The following OPCML variants were observed in gnomAD, a reference collection of about 807,000 sequenced individuals.
OPCML encodes opioid-binding protein/cell adhesion molecule.
Under a neutral mutation model 37.8 loss-of-function variants are expected in OPCML, and 13 were observed. That is an observed-to-expected ratio of 0.34 (90% CI 0.22 to 0.55). The LOEUF is 0.55. Ranked by LOEUF, OPCML falls within the 20% of genes least tolerant of loss-of-function variation. The pLI, the probability that OPCML is intolerant of heterozygous loss-of-function variation, is 0.91. For missense variants in OPCML, 341 were observed against 435.6 expected (o/e 0.78, Z 1.93); for synonymous variants, 176 against 168.8 (o/e 1.04, Z -0.33).
intron 2 of OPCML, among the ~76,000 whole-genome samples, chr11:132,776,861 T>C (rs2054999679): frequency 6.6e-6 from 1 of 152,106 alleles, no homozygotes; most frequent in Non-Finnish European, 1.5e-5. Context: ...CCCAGGTCAG[T>C]GCGAGCAGTT....
intron 1 of OPCML, among the ~76,000 whole-genome samples, chr11:133,226,024 T>C (rs1341876617): frequency 6.6e-6 from 1 of 152,242 alleles, no homozygotes; most frequent in African/African-American, 2.4e-5. Flanking sequence ...GAGGCTAAGT[T>C]ACCTGCACCA....
chr11:132,699,743 T>C (rs556407999), intron 2 of OPCML, among the ~76,000 whole-genome samples: 2 of 152,252 alleles, frequency 1.3e-5, no homozygotes, highest in South Asian at 4.1e-4. Context: ...ATAAATTCAG[T>C]TGGCTAATAT....
intron 1 of OPCML, among the ~76,000 whole-genome samples, chr11:133,476,395 T>A (rs35374894): frequency 0.015 from 2,225 of 151,012 alleles, 57 homozygotes; most frequent in African/African-American, 0.052. Context: ...GTTGTTAGTT[T>A]TTTTTTTTTC....
In OPCML at chr11:132,943,296, C is replaced by T; in HGVS notation, c.62-286G>A. The T allele has an allele frequency of 1.3e-6, 1 of 744,416 alleles. No individual in the cohort carries two copies. The highest frequency in any genetic ancestry group is 1.8e-5 in the African/African-American group (1 of 56,694). The allele number at this position is 744,416 out of a possible 1,614,324, so 46.1% of individuals were successfully genotyped here. On this transcript the variant is annotated intron_variant, in intron 1 of 7. Coordinates refer to ENST00000524381, the MANE Select transcript of OPCML (RefSeq NM_001012393.5). This position sits in a 1 kb window ranked among gnomAD's most constrained non-coding sequence, Gnocchi z 4.3. ...ATCCTGCCTCAGCTTTCCAGCCTAG[C>T]AGAACCAGATGCCCCCTCCTGCATC...
rs903875032 is a variant in OPCML, at chr11:133,357,034, A to G, written c.61+175230T>C. Among the ~76,000 whole-genome samples the G allele has an allele frequency of 5.3e-5, 8 of 152,202 alleles. No individual in the cohort carries two copies. The East Asian group carries it at 1.5e-3, about 29-fold the overall frequency. ...GATGTACTGAGAAAGTAGGTTATAT[A>G]CTTGAATTGTCATTCAACCGTTTGC... On this transcript the variant is annotated intron_variant, in intron 1 of 7. Coordinates refer to ENST00000524381, the MANE Select transcript of OPCML (RefSeq NM_001012393.5).
At chr11:132,776,386 T>G (rs975089573) in intron 2 of OPCML, among the ~76,000 whole-genome samples, 1 of 152,172 alleles carries the variant, frequency 6.6e-6, no homozygotes, top group African/African-American at 2.4e-5. Flanking sequence ...ATGGTTTGGA[T>G]GTTTGTCCTC....
Position 133,500,708 on chromosome 11 carries a change from C to G in OPCML, c.61+31556G>C, listed in dbSNP as rs1181625743. Among the ~76,000 whole-genome samples the G allele has an allele frequency of 2.0e-5, 3 of 152,194 alleles. No homozygotes were observed. In the East Asian group the frequency reaches 5.8e-4, roughly 29 times the overall value. Reference sequence around the variant, plus strand: ...CCTGCATCTAGCCAATTTCTGCTCCCTTAATTCAAGTCAGTTCTTCCTGAC... The same window carrying G: ...CCTGCATCTAGCCAATTTCTGCTCCGTTAATTCAAGTCAGTTCTTCCTGAC... On this transcript the variant is annotated intron_variant, in intron 1 of 7. Transcript: ENST00000524381.
chr11:132,772,159 C>A (rs1346231396), intron 2 of OPCML: 1 of 152,214 alleles, frequency 6.6e-6, no homozygotes, highest in Non-Finnish European at 1.5e-5. Flanking sequence ...AATAACTCAT[C>A]TTTTCTGCCA....
At chr11:133,040,681 A>G (rs1010012085) in intron 1 of OPCML, among the ~76,000 whole-genome samples, 3 of 152,046 alleles carry the variant, frequency 2.0e-5, no homozygotes, top group Non-Finnish European at 2.9e-5. Flanking sequence ...TACCTGCTAC[A>G]GGAGAGGGGC....
intron 1 of OPCML, among the ~76,000 whole-genome samples, chr11:133,072,808 T>C (rs1458450830): frequency 6.6e-6 from 1 of 152,240 alleles, no homozygotes; most frequent in Non-Finnish European, 1.5e-5. Flanking sequence ...GGACTGTAAG[T>C]ACTCAAGAGT....
intron 1 of OPCML, among the ~76,000 whole-genome samples, chr11:133,217,928 C>A (rs969718053): frequency 6.6e-6 from 1 of 151,852 alleles, no homozygotes; most frequent in Non-Finnish European, 1.5e-5. Flanking sequence ...TGCCTGTGGT[C>A]CCAGCTACCT....
chr11:133,207,272 C>G (rs1939117274), intron 1 of OPCML, among the ~76,000 whole-genome samples: 1 of 152,040 alleles, frequency 6.6e-6, no homozygotes, highest in Admixed American at 6.6e-5. Flanking sequence ...TGCCCTCCAG[C>G]CTGGGCGACA....
At chr11:132,423,091 C>A (rs1382374403) in intron 7 of OPCML, among the ~76,000 whole-genome samples, 2 of 152,220 alleles carry the variant, frequency 1.3e-5, no homozygotes, top group Non-Finnish European at 2.9e-5. Context: ...AGCCAGACAG[C>A]CTTCTTCAGT....
intron 3 of OPCML, among the ~76,000 whole-genome samples, chr11:132,556,867 C>T (rs980575639): frequency 2.0e-5 from 3 of 152,158 alleles, no homozygotes; most frequent in African/African-American, 7.2e-5. Flanking sequence ...CTGGACTCTC[C>T]TAGGCGGATA....
chr11:132,455,114 T>A (rs2096078286), intron 4 of OPCML, among the ~76,000 whole-genome samples: 1 of 152,254 alleles, frequency 6.6e-6, no homozygotes, highest in Non-Finnish European at 1.5e-5. Flanking sequence ...CTAAATCCCA[T>A]GCTCCTCATA....
intron 1 of OPCML, among the ~76,000 whole-genome samples, chr11:133,093,442 T>C (rs1948945645): frequency 6.6e-6 from 1 of 152,302 alleles, no homozygotes; most frequent in East Asian, 1.9e-4. Context: ...GTATTTATCC[T>C]AATGCTCTCC....
intron 1 of OPCML, among the ~76,000 whole-genome samples, chr11:133,035,850 G>A (rs1947771519): frequency 6.6e-6 from 1 of 152,232 alleles, no homozygotes; most frequent in Middle Eastern, 3.4e-3. Context: ...GCTGAATAAG[G>A]TTAAAAGACA....
At chr11:133,441,378 G>C in intron 1 of OPCML, among the ~76,000 whole-genome samples, 1 of 152,106 alleles carries the variant, frequency 6.6e-6, no homozygotes, top group East Asian at 1.9e-4. Context: ...CCGAATTTGA[G>C]AATTAAGAAA....
intron 4 of OPCML, among the ~76,000 whole-genome samples, chr11:132,484,291 T>G (rs2096191765): frequency 6.6e-6 from 1 of 152,150 alleles, no homozygotes; most frequent in Non-Finnish European, 1.5e-5. Context: ...AGAAGACATT[T>G]ATGCAGCCAA....
Sources: gnomAD v4.1 joint callset for allele counts (sites outside exome capture counted in the v4.1 genomes callset) on GRCh38, gnomAD v4.1.1 for gene constraint, Gnocchi (gnomAD v3.1) non-coding constraint, MANE v1.5 for transcripts, NCBI Gene and HGNC (gene_info 2026-07-23, HGNC 2026-07-21) for gene names.